The following IL1R1 variants were observed in gnomAD, a reference collection of about 807,000 sequenced individuals.
IL1R1 encodes the protein interleukin-1 receptor type 1.
A neutral mutation model predicts 50.2 loss-of-function variants in IL1R1; 22 were observed. That is an observed-to-expected ratio of 0.44 (90% CI 0.31 to 0.63). IL1R1 has a LOEUF of 0.63. Among genes scored for constraint, IL1R1 ranks in the 20% least tolerant of loss-of-function variants. The probability of loss-of-function intolerance (pLI) is 0.07; values close to 1 mark genes in which losing one functional copy is unlikely to be tolerated. For synonymous variants in IL1R1, 251 were observed against 236.7 expected, an observed-to-expected ratio of 1.06 and a Z score of -0.55; for missense variants, 509 against 676.2, an observed-to-expected ratio of 0.75 and a Z score of 2.74.
chr2:102,111,446 T>C (rs1160936260), intron 1 of IL1R1, among the ~76,000 whole-genome samples: 3 of 152,146 alleles, frequency 2.0e-5, no homozygotes, highest in African/African-American at 7.2e-5. Flanking sequence ...CTCTCTGGAG[T>C]ACAACTCAGT....
chr2:102,121,387 C>T (rs868115689), intron 1 of IL1R1, among the ~76,000 whole-genome samples: 1 of 152,236 alleles, frequency 6.6e-6, no homozygotes, highest in Admixed American at 6.5e-5. Flanking sequence ...TGTGGAGCCA[C>T]GTGTCACTGA....
upstream of IL1R1, among the ~76,000 whole-genome samples, chr2:102,100,377 A>G (rs1041810041): frequency 9.2e-5 from 14 of 152,106 alleles, no homozygotes; most frequent in African/African-American, 3.1e-4. Context: ...GATGGAACCA[A>G]ATACCTGGAA....
chr2:102,138,418 C>T (rs999653424), upstream of IL1R1, among the ~76,000 whole-genome samples: 3 of 152,236 alleles, frequency 2.0e-5, no homozygotes, highest in Non-Finnish European at 2.9e-5. Flanking sequence ...TATCTTCCTC[C>T]TCTTATTAAG....
At chr2:102,072,124 G>A (rs1678750619) in intron 1 of IL1R1, among the ~76,000 whole-genome samples, 1 of 151,756 alleles carries the variant, frequency 6.6e-6, no homozygotes, top group Non-Finnish European at 1.5e-5. Flanking sequence ...GCTGGGCATG[G>A]TGGCCTGTGC....
chr2:102,175,317 C>T (rs1031117438), intron 10 of IL1R1, among the ~76,000 whole-genome samples, 161 bp from the exon 11 acceptor site: 1 of 152,074 alleles, frequency 6.6e-6, no homozygotes, highest in Non-Finnish European at 1.5e-5. Context: ...AAGAGATGAA[C>T]ACTTTTTAAA....
chr2:102,073,757 A>C (rs1463380835), intron 1 of IL1R1, among the ~76,000 whole-genome samples: 1 of 152,158 alleles, frequency 6.6e-6, no homozygotes, highest in Non-Finnish European at 1.5e-5. Context: ...TACCATACTC[A>C]TTTGACAGCA....
intron 1 of IL1R1, among the ~76,000 whole-genome samples, chr2:102,107,237 C>T (rs1030739195): frequency 1.2e-4 from 18 of 152,034 alleles, no homozygotes; most frequent in Middle Eastern, 6.8e-3. Flanking sequence ...GACTTGGAAC[C>T]AACCCAAATG....
chr2:102,076,301 C>T (rs548139582), intron 1 of IL1R1, among the ~76,000 whole-genome samples: 15 of 152,112 alleles, frequency 9.9e-5, no homozygotes, highest in African/African-American at 3.6e-4. Flanking sequence ...CCTCAGCCTC[C>T]CAAGTAGCTG....
intron 1 of IL1R1, among the ~76,000 whole-genome samples, chr2:102,134,382 CTT>C (rs11372238): frequency 6.9e-6 from 1 of 145,706 alleles, no homozygotes. Context: ...TCTTTTCTTT[CTT>C]TTTTTTTTTT....
chr2:102,083,812 T>C, intron 1 of IL1R1, among the ~76,000 whole-genome samples: 1 of 151,796 alleles, frequency 6.6e-6, no homozygotes, highest in East Asian at 1.9e-4. Flanking sequence ...GGCATGGTGA[T>C]GGGCGCCTGT....
In IL1R1 at chr2:102,165,238, T is replaced by G; in HGVS notation, c.420T>G (p.Leu140=). The G allele has an allele frequency of 1.9e-6, 3 of 1,607,408 alleles. No individual in the cohort carries two copies. The highest frequency in any genetic ancestry group is 2.5e-6 in the Non-Finnish European group (3 of 1,177,782). Residue 140 remains leucine (L), a synonymous_variant, in exon 5 of 12, where the codon CTT becomes CTG. Transcript: ENST00000410023. ...QKLPVAGDGG[L]VCPYMEFFKN... is the part of the protein sequence containing the mutation. ...TACCCGTTGCAGGAGACGGAGGACTTGTGTGCCCTTATATGGAGTTTTTTA... is the reference window on the plus strand; with the variant it reads ...TACCCGTTGCAGGAGACGGAGGACTGGTGTGCCCTTATATGGAGTTTTTTA...
intron 1 of IL1R1, among the ~76,000 whole-genome samples, chr2:102,116,189 A>G (rs1016811884): frequency 6.6e-6 from 1 of 152,142 alleles, no homozygotes; most frequent in African/African-American, 2.4e-5. Context: ...ACATCTCTCC[A>G]TTTCTCTAGC....
chr2:102,110,171 C>G (rs1383202297), intron 1 of IL1R1, among the ~76,000 whole-genome samples: 2 of 152,136 alleles, frequency 1.3e-5, no homozygotes, highest in African/African-American at 4.8e-5. Context: ...TTTCTTCCAC[C>G]TCTTTTGCAC....
chr2:102,157,492 G>A (rs774086700), intron 2 of IL1R1, among the ~76,000 whole-genome samples: 52 of 152,144 alleles, frequency 3.4e-4, no homozygotes, highest in Non-Finnish European at 6.6e-4. Flanking sequence ...AAGTTGTTGA[G>A]TTTGTTCTCA....
intron 1 of IL1R1, among the ~76,000 whole-genome samples, chr2:102,073,234 A>C (rs764780355): frequency 3.9e-5 from 6 of 152,156 alleles, no homozygotes; most frequent in Non-Finnish European, 2.9e-5. Context: ...CATTCTGGGG[A>C]CCACGGATAC....
At chr2:102,131,688 A>G (rs1253484446) in intron 1 of IL1R1, among the ~76,000 whole-genome samples, 5 of 152,138 alleles carry the variant, frequency 3.3e-5, no homozygotes, top group Admixed American at 6.5e-5. Context: ...CAAGTAAAGA[A>G]CAGAGCATCA....
chr2:102,155,333 A>G (rs1684074005), intron 2 of IL1R1, among the ~76,000 whole-genome samples: 1 of 152,206 alleles, frequency 6.6e-6, no homozygotes, highest in African/African-American at 2.4e-5. Context: ...GAACTGAGGC[A>G]CGGAGGCTGA....
In IL1R1 at chr2:102,164,831, A is replaced by G. The variant is rs746323923; in HGVS notation, c.119A>G (p.Asp40Gly). The change falls in exon 4 of 12, where the codon GAT (aspartate) becomes GGT (glycine). Residue 40 changes from aspartate (D) to glycine (G), a missense_variant. Physicochemically the swap from Asp to Gly is moderately conservative, Grantham distance 94. Transcript: ENST00000410023. ...TTAGTGTCATCTGCAAATGAAATTG[A>G]TGTTCGTCCCTGTCCTCTTAACCCA... ...IILVSSANEIDVRPCPLNPNE... is the reference protein window; with the variant it reads ...IILVSSANEIGVRPCPLNPNE... The G allele has an allele frequency of 3.7e-6, 6 of 1,613,996 alleles. No homozygotes were observed.
chr2:102,091,945 A>G (rs1679686035), intron 1 of IL1R1, among the ~76,000 whole-genome samples: 2 of 152,248 alleles, frequency 1.3e-5, no homozygotes. Flanking sequence ...ATGTTGCTGC[A>G]AATGACATAA....
Sources: gnomAD v4.1 joint callset for allele counts (sites outside exome capture counted in the v4.1 genomes callset) on GRCh38, gnomAD v4.1.1 for gene constraint, MANE v1.5 for transcripts, NCBI Gene and HGNC (gene_info 2026-07-23, HGNC 2026-07-21) for gene names.